The following CCDC144A variants were observed in gnomAD, a reference collection of about 807,000 sequenced individuals.
CCDC144A encodes the protein coiled-coil domain containing 144A, also known as coiled-coil domain-containing protein 144A.
In CCDC144A, 41 loss-of-function variants were observed where a neutral mutation model predicts 143.8. That is an observed-to-expected ratio of 0.29 (90% CI 0.22 to 0.37). CCDC144A has a LOEUF of 0.37. Among genes scored for constraint, CCDC144A ranks in the 10% least tolerant of loss-of-function variants. CCDC144A has a pLI of 1.00. For synonymous variants in CCDC144A, 242 were observed against 517.9 expected (o/e 0.47, Z 7.23); for missense variants, 637 against 1,488.8 (o/e 0.43, Z 9.41).
intron 1 of CCDC144A, among the ~76,000 whole-genome samples, chr17:16,692,077 A>G (rs1911121064): frequency 6.6e-6 from 1 of 152,096 alleles, no homozygotes; most frequent in African/African-American, 2.4e-5. Flanking sequence ...GTGCAAATAT[A>G]TTGTCAGTAT....
chr17:16,758,316 A>C (rs544986320), intron 12 of CCDC144A, among the ~76,000 whole-genome samples: 1 of 152,358 alleles, frequency 6.6e-6, no homozygotes, highest in Non-Finnish European at 1.5e-5. Flanking sequence ...ACACACACAC[A>C]AGTTTCATTT....
At chr17:16,751,624 A>C (rs980347365) in intron 12 of CCDC144A, among the ~76,000 whole-genome samples, 1 of 152,242 alleles carries the variant, frequency 6.6e-6, no homozygotes, top group African/African-American at 2.4e-5. Context: ...GCAGCGGCCC[A>C]AGCCAAAAGT....
chr17:16,757,945 C>T, intron 12 of CCDC144A, among the ~76,000 whole-genome samples: 1 of 152,164 alleles, frequency 6.6e-6, no homozygotes, highest in Non-Finnish European at 1.5e-5. Flanking sequence ...CCTCAGTTCC[C>T]TTTCCTTCTG....
In CCDC144A at chr17:16,757,939, A is replaced by C. The variant is rs557747314; in HGVS notation, c.3373-3486A>C. 2.6e-5 allele frequency among the ~76,000 whole-genome samples: 4 copies of C among 152,266 alleles called. No individual in the cohort carries two copies. The South Asian group carries it at 6.2e-4, about 24-fold the overall frequency. On this transcript the variant is annotated intron_variant, in intron 12 of 16. Transcript: ENST00000399273. ...TGATCCTGGTTGGGCTGGCTACCTC[A>C]GTTCCCTTTCCTTCTGTCATCAGAG...
At position 16,775,569 on chromosome 17, in the gene CCDC144A, ATTTG is replaced by A. The variant is rs1383785461; in HGVS notation, c.*1940_*1943del. ...GGGGTTGAGTTTTTTTTTCTTGTAA[ATTTG>A]TTTAAGTTCCTTGTAGATGCTGGAT... On this transcript the variant is annotated 3_prime_UTR_variant, in exon 17 of 17. Transcript: ENST00000399273. The A allele has an allele frequency of 1.3e-5, 2 of 152,082 alleles. No individual in the cohort carries two copies. The highest frequency in any genetic ancestry group is 2.4e-5 in the African/African-American group (1 of 41,358). The allele number at this position is 152,082 out of a possible 1,614,324, so 9.4% of individuals were successfully genotyped here.
intron 1 of CCDC144A, among the ~76,000 whole-genome samples, chr17:16,692,664 A>G (rs1282595370): frequency 2.6e-5 from 4 of 151,970 alleles, no homozygotes; most frequent in Non-Finnish European, 4.4e-5. Flanking sequence ...AGAAGAATAC[A>G]TTGAGCCTAA....
intron 6 of CCDC144A, among the ~76,000 whole-genome samples, chr17:16,713,857 G>C (rs1597549169): frequency 6.6e-6 from 1 of 152,256 alleles, no homozygotes. Context: ...CCCTAGGTAT[G>C]CTGGCCTTGA....
chr17:16,758,331 T>C (rs1385944263), intron 12 of CCDC144A, among the ~76,000 whole-genome samples: 1 of 152,272 alleles, frequency 6.6e-6, no homozygotes, highest in Non-Finnish European at 1.5e-5. Context: ...TCATTTAATA[T>C]GGCAGCAAGC....
At chr17:16,691,260 A>T (rs1328915824) in intron 1 of CCDC144A, among the ~76,000 whole-genome samples, 3 of 152,284 alleles carry the variant, frequency 2.0e-5, no homozygotes, top group African/African-American at 7.2e-5. Context: ...TTCAGTTCAA[A>T]TAATGTTGCA....
intron 2 of CCDC144A, among the ~76,000 whole-genome samples, chr17:16,696,879 A>G (rs1297471560): frequency 1.3e-5 from 2 of 151,696 alleles, no homozygotes; most frequent in Non-Finnish European, 2.9e-5. Flanking sequence ...TCTCACCGAC[A>G]ATATCTGAAG....
upstream of CCDC144A, among the ~76,000 whole-genome samples, chr17:16,687,882 T>C (rs562156558): frequency 1.3e-5 from 2 of 151,982 alleles, no homozygotes; most frequent in African/African-American, 2.4e-5. Context: ...GCATCCTGAG[T>C]AGCACACTAA....
chr17:16,724,509 CAA>C (rs1194753881), intron 8 of CCDC144A, among the ~76,000 whole-genome samples: 5,282 of 65,754 alleles, frequency 0.08, 158 homozygotes, highest in South Asian at 0.18. Context: ...GACTCCGTCT[CAA>C]AAAAAAAAAA....
chr17:16,717,240 G>A (rs569057573), intron 6 of CCDC144A, among the ~76,000 whole-genome samples: 29 of 150,758 alleles, frequency 1.9e-4, no homozygotes, highest in South Asian at 1.5e-3. Flanking sequence ...TCAGCCTCCC[G>A]AATAGCTGGG....
At chr17:16,754,846 G>T (rs1186872946) in intron 12 of CCDC144A, among the ~76,000 whole-genome samples, 1 of 152,168 alleles carries the variant, frequency 6.6e-6, no homozygotes, top group Non-Finnish European at 1.5e-5. Flanking sequence ...ATCTATTATT[G>T]TACTGGAGGC....
chr17:16,741,587 G>T (rs1914258201), intron 12 of CCDC144A, among the ~76,000 whole-genome samples: 1 of 152,100 alleles, frequency 6.6e-6, no homozygotes, highest in Non-Finnish European at 1.5e-5. Context: ...TCTGTATATA[G>T]GATGAATGAT....
Position 16,690,378 on chromosome 17 carries a change from G to T in CCDC144A, c.-23G>T. On this transcript the variant is annotated 5_prime_UTR_variant, in exon 1 of 17. Coordinates refer to ENST00000399273, the MANE Select transcript of CCDC144A (RefSeq NM_001382000.1). ...CGGGCTATCCTGCTGGGAGGTTGTG[G>T]CCGAGGCAGTAGCTCGCTACTGATG... The T allele has an allele frequency of 6.7e-7, 1 of 1,490,598 alleles. No homozygotes were observed. The highest frequency in any genetic ancestry group is 8.9e-7 in the Non-Finnish European group (1 of 1,117,810). The allele number at this position is 1,490,598 out of a possible 1,614,324, so 92.3% of individuals were successfully genotyped here.
intron 10 of CCDC144A, 124 bp from the exon 11 acceptor site, chr17:16,732,414 A>G: frequency 1.6e-6 from 1 of 619,746 alleles, no homozygotes; most frequent in Non-Finnish European, 2.8e-6. Flanking sequence ...TTCTTGAGGG[A>G]TAAAAGTTCT....
At chr17:16,757,574 TGGCCTTGTCTTCA>T (rs1451832235) in intron 12 of CCDC144A, among the ~76,000 whole-genome samples, 2 of 152,240 alleles carry the variant, frequency 1.3e-5, no homozygotes, top group African/African-American at 4.8e-5. Flanking sequence ...GCAAGCAAAG[TGGCCTTGTCTTCA>T]GGCTCTCATA....
chr17:16,709,659 C>T, intron 5 of CCDC144A, 24 bp downstream of exon 5: 1 of 1,603,178 alleles, frequency 6.2e-7, no homozygotes, highest in Non-Finnish European at 8.5e-7. Flanking sequence ...TGCTGCCACT[C>T]TTTGTTTTTT....
Sources: allele counts gnomAD v4.1 joint callset (sites outside exome capture counted in the v4.1 genomes callset), GRCh38; gene constraint gnomAD v4.1.1; transcripts MANE v1.5; gene names NCBI Gene and HGNC (gene_info 2026-07-23, HGNC 2026-07-21).